Variants in LHPP observed in about 807,000 individuals in gnomAD.
LHPP encodes hLHPP.
In LHPP, 24 loss-of-function variants were observed where a neutral mutation model predicts 30.3. The ratio of observed to expected loss-of-function variants is 0.79; its 90% CI spans 0.57 to 1.11. The LOEUF (loss-of-function observed/expected upper bound fraction) is 1.11. Ranked by LOEUF, LHPP falls within the 50% of genes most tolerant of loss-of-function variation. LHPP has a pLI of 0.00. For synonymous variants in LHPP, 150 were observed against 157.1 expected, an observed-to-expected ratio of 0.95 and a Z score of 0.34; for missense variants, 356 against 367.2, an observed-to-expected ratio of 0.97 and a Z score of 0.25.
At chr10:124,566,090 G>A (rs1044232138) in intron 6 of LHPP, among the ~76,000 whole-genome samples, 1 of 152,238 alleles carries the variant, frequency 6.6e-6, no homozygotes, top group South Asian at 2.1e-4. Flanking sequence ...ATGCCACTCC[G>A]GCGGCAGCAA....
At chr10:124,483,501 G>A (rs560575070) in intron 1 of LHPP, among the ~76,000 whole-genome samples, 9 of 152,250 alleles carry the variant, frequency 5.9e-5, no homozygotes, top group East Asian at 1.9e-4. Context: ...GGCCAGGCAC[G>A]GTGGCTCACA....
chr10:124,530,639 C>T lies in LHPP; in HGVS notation c.716+13368C>T, dbSNP rs534740080. On this transcript the variant is annotated intron_variant, in intron 6 of 6. Coordinates refer to ENST00000368842, the MANE Select transcript of LHPP (RefSeq NM_022126.4). ...CCCACTCATTCCCTCCCAGATGCCG[C>T]ACCACCCCCATGCCCTGTGTGCCCT... Among the ~76,000 whole-genome samples, 7 of 152,296 alleles carry T rather than the reference C, an allele frequency of 4.6e-5. No homozygotes were observed. In the East Asian group the frequency reaches 9.6e-4, roughly 21 times the overall value.
chr10:124,484,685 AG>A (rs1274452161), intron 2 of LHPP, among the ~76,000 whole-genome samples: 1 of 151,684 alleles, frequency 6.6e-6, no homozygotes, highest in Non-Finnish European at 1.5e-5. Context: ...AGAGAGAGAG[AG>A]AGAGAGAGAG....
At chr10:124,524,825 A>G (rs1470714500) in intron 6 of LHPP, among the ~76,000 whole-genome samples, 3 of 152,224 alleles carry the variant, frequency 2.0e-5, no homozygotes, top group Non-Finnish European at 4.4e-5. Flanking sequence ...ACAGAGCAAG[A>G]CCTTGTCTCA....
intron 6 of LHPP, among the ~76,000 whole-genome samples, chr10:124,540,720 A>G (rs1302784830): frequency 6.6e-6 from 1 of 152,008 alleles, no homozygotes; most frequent in Non-Finnish European, 1.5e-5. Context: ...AGAGAGAAAG[A>G]GCATCTTCTC....
At chr10:124,575,024 T>C (rs1040300153) in intron 6 of LHPP, among the ~76,000 whole-genome samples, 17 of 152,204 alleles carry the variant, frequency 1.1e-4, no homozygotes, top group African/African-American at 4.1e-4. Context: ...CTTGCCATCA[T>C]GAAGTATCTC....
rs144159315 is a variant in LHPP at position 124,564,571 on chromosome 10, G to A, written c.716+47300G>A. On this transcript the variant is annotated intron_variant, in intron 6 of 6. Transcript: ENST00000368842. Reference sequence around the variant, plus strand: ...GCCCAGCCTCGGATTGTCATTTAGCGGTCTGTCTGAACATCAGTCTCCTGA... The same window carrying A: ...GCCCAGCCTCGGATTGTCATTTAGCAGTCTGTCTGAACATCAGTCTCCTGA... Among the ~76,000 whole-genome samples, 343 of 152,234 alleles carry A rather than the reference G, an allele frequency of 2.3e-3. 2 individuals are homozygous for A. The highest frequency in any genetic ancestry group is 7.8e-3 in the African/African-American group (324 of 41,542).
At chr10:124,595,731 G>A (rs1948933924) in intron 6 of LHPP, among the ~76,000 whole-genome samples, 1 of 152,106 alleles carries the variant, frequency 6.6e-6, no homozygotes, top group South Asian at 2.1e-4. Flanking sequence ...AACTTCCTCT[G>A]CATCTGTCCC....
intron 1 of LHPP, among the ~76,000 whole-genome samples, chr10:124,462,886 A>G (rs1713128785): frequency 6.6e-6 from 1 of 151,892 alleles, no homozygotes; most frequent in African/African-American, 2.4e-5. Context: ...GTTTTGTTTG[A>G]GACGGAGTTT....
intron 6 of LHPP, among the ~76,000 whole-genome samples, chr10:124,602,225 G>A (rs1237115449): frequency 6.6e-6 from 1 of 152,230 alleles, no homozygotes; most frequent in Admixed American, 6.5e-5. Flanking sequence ...TGCCACTTCT[G>A]GCTGTGACTT....
chr10:124,463,287 A>G (rs570606787), intron 1 of LHPP, among the ~76,000 whole-genome samples: 75 of 152,082 alleles, frequency 4.9e-4, no homozygotes, highest in African/African-American at 1.7e-3. Flanking sequence ...GGCTCTCATT[A>G]TAATTCTGTT....
intron 3 of LHPP, among the ~76,000 whole-genome samples, chr10:124,491,075 C>T (rs1275381858): frequency 6.6e-6 from 1 of 150,630 alleles, no homozygotes; most frequent in Non-Finnish European, 1.5e-5. Flanking sequence ...TCTGCACAGC[C>T]TAGAGTTTTG....
In LHPP at chr10:124,463,993, G is replaced by GT. The variant is rs894698125; in HGVS notation, c.125+2012dup. ...CACCATGCCCAGCTAATTTTTTTGT[G>GT]TTTTTTGTAGAGATGGGGTTTTGCC... On this transcript the variant is annotated intron_variant, in intron 1 of 6. Coordinates refer to ENST00000368842, the MANE Select transcript of LHPP (RefSeq NM_022126.4). 7.9e-5 allele frequency among the ~76,000 whole-genome samples: 12 copies of GT among 151,616 alleles called. 1 individual carries two copies. Among genetic ancestry groups the GT allele is most frequent in the Admixed American group, 6.6e-4 (10 of 15,232 alleles).
At chr10:124,609,813 G>A (rs769189424) in intron 6 of LHPP, among the ~76,000 whole-genome samples, 1 of 152,172 alleles carries the variant, frequency 6.6e-6, no homozygotes, top group African/African-American at 2.4e-5. Context: ...CCATTGCCGC[G>A]GCAGGAACTC....
At chr10:124,542,332 A>G (rs1451458708) in intron 6 of LHPP, among the ~76,000 whole-genome samples, 1 of 152,188 alleles carries the variant, frequency 6.6e-6, no homozygotes, top group African/African-American at 2.4e-5. Flanking sequence ...GTTTACAGAT[A>G]CCTGCACAAC....
rs943705214 is a variant in LHPP, at chr10:124,513,153, C to T, written c.625-4027C>T. Reference sequence around the variant, plus strand: ...CGCCCAGGCTGGAGTGCAATGGTTGCAATCTTGGCTCATTCTCCTGCCTCA... The same window carrying T: ...CGCCCAGGCTGGAGTGCAATGGTTGTAATCTTGGCTCATTCTCCTGCCTCA... On this transcript the variant is annotated intron_variant, in intron 5 of 6. Coordinates refer to ENST00000368842, the MANE Select transcript of LHPP (RefSeq NM_022126.4). 1.3e-5 allele frequency among the ~76,000 whole-genome samples: 2 copies of T among 152,046 alleles called. 1 individual carries two copies. Among genetic ancestry groups the T allele is most frequent in the South Asian group, 4.1e-4 (2 of 4,824 alleles).
intron 6 of LHPP, among the ~76,000 whole-genome samples, chr10:124,529,569 T>A (rs1305588353): frequency 6.6e-6 from 1 of 152,110 alleles, no homozygotes; most frequent in African/African-American, 2.4e-5. Context: ...AGCAAAAATT[T>A]GTGCAGAGGA....
At chr10:124,475,028 G>GTTTTTTTTTTTT (rs536621289) in intron 1 of LHPP, among the ~76,000 whole-genome samples, 1 of 9,656 alleles carries the variant, frequency 1.0e-4, no homozygotes, top group Non-Finnish European at 1.7e-4. Flanking sequence ...TGCTTCTCAT[G>GTTTTTTTTTTTT]TCTTTTTTTT....
At chr10:124,611,224 A>G (rs1009669444) in intron 6 of LHPP, among the ~76,000 whole-genome samples, 3 of 151,972 alleles carry the variant, frequency 2.0e-5, no homozygotes, top group Admixed American at 6.5e-5. Context: ...CCTTTGCTGG[A>G]AGGGGCAGCA....
Sources: gnomAD v4.1 joint callset for allele counts (sites outside exome capture counted in the v4.1 genomes callset) on GRCh38, gnomAD v4.1.1 for gene constraint, MANE v1.5 for transcripts, NCBI Gene and HGNC (gene_info 2026-07-23, HGNC 2026-07-21) for gene names.